The following TENM4 variants were observed in gnomAD, a reference collection of about 807,000 sequenced individuals.
TENM4 encodes teneurin transmembrane protein 4.
A neutral mutation model predicts 243.3 loss-of-function variants in TENM4; 82 were observed. That is an observed-to-expected ratio of 0.34 (90% CI 0.28 to 0.40). The LOEUF is 0.40. Ranked by LOEUF, TENM4 falls within the 10% of genes least tolerant of loss-of-function variation. The pLI is 1.00. For missense variants in TENM4, 3,138 were observed against 3,673.3 expected (o/e 0.85, Z 3.77); for synonymous variants, 1,412 against 1,456.3 (o/e 0.97, Z 0.69).
intron 8 of TENM4, among the ~76,000 whole-genome samples, chr11:78,890,740 G>A (rs550046935): frequency 3.3e-5 from 5 of 152,328 alleles, no homozygotes; most frequent in African/African-American, 1.2e-4. Flanking sequence ...GCGGGGTATG[G>A]TCAAAGCACA....
intron 4 of TENM4, among the ~76,000 whole-genome samples, chr11:79,138,415 ATAT>A (rs1862161618): frequency 8.6e-6 from 1 of 115,766 alleles, no homozygotes; most frequent in Admixed American, 1.1e-4. Flanking sequence ...AATAAAATAT[ATAT>A]TATATTATAT....
intron 6 of TENM4, among the ~76,000 whole-genome samples, chr11:78,912,987 C>A (rs142275879): frequency 6.6e-6 from 1 of 152,326 alleles, no homozygotes; most frequent in East Asian, 1.9e-4. Flanking sequence ...CTATCTGAGC[C>A]CGTTTCCCCA....
At chr11:78,806,349 A>G (rs1001517036) in intron 14 of TENM4, among the ~76,000 whole-genome samples, 2 of 152,174 alleles carry the variant, frequency 1.3e-5, no homozygotes, top group Non-Finnish European at 2.9e-5. Flanking sequence ...TCCTGAGGGC[A>G]AACACTTCAA....
intron 12 of TENM4, among the ~76,000 whole-genome samples, chr11:78,827,007 C>T (rs953375275): frequency 3.3e-5 from 5 of 152,120 alleles, no homozygotes; most frequent in African/African-American, 9.7e-5. Context: ...TATTTGGGTA[C>T]TGCTTTTATG....
chr11:79,180,384 T>C (rs1317477305), intron 3 of TENM4, among the ~76,000 whole-genome samples: 1 of 151,622 alleles, frequency 6.6e-6, no homozygotes, highest in Non-Finnish European at 1.5e-5. Flanking sequence ...GATCTATAGA[T>C]TCCAAAGGTT....
At chr11:78,835,294 T>G (rs1858077989) in intron 12 of TENM4, among the ~76,000 whole-genome samples, 1 of 151,990 alleles carries the variant, frequency 6.6e-6, no homozygotes, top group Admixed American at 6.6e-5. Context: ...GATCACAAGG[T>G]CAAGAGATCG....
chr11:79,011,705 C>T (rs1395448571), intron 6 of TENM4, among the ~76,000 whole-genome samples: 2 of 152,182 alleles, frequency 1.3e-5, no homozygotes, highest in Non-Finnish European at 2.9e-5. Flanking sequence ...CCATCTTTTC[C>T]CCACTGCCCC....
intron 6 of TENM4, among the ~76,000 whole-genome samples, chr11:79,054,404 A>G (rs954632439): frequency 9.9e-5 from 15 of 152,188 alleles, no homozygotes; most frequent in African/African-American, 3.4e-4. Context: ...GTTTTTGACC[A>G]AGACTTTTAC....
chr11:79,280,507 A>G (rs1396512860), intron 2 of TENM4, among the ~76,000 whole-genome samples: 1 of 152,214 alleles, frequency 6.6e-6, no homozygotes, highest in Non-Finnish European at 1.5e-5. Context: ...TGGATGCCAC[A>G]CATGGGAACC....
chr11:78,903,306 C>T lies in TENM4; in HGVS notation c.711G>A (p.Glu237=), dbSNP rs377037323. The part of the protein sequence containing the change: ...GGAQEPAHAQ[E]NWLLNSNIPL... ...GGATGTTGCTGTTGAGCAGCCAGTT[C>T]TCCTGGGCGTGGGCAGGCTCCTGGG... The change falls in exon 7 of 34, where the codon GAG becomes GAA. Residue 237 remains glutamate, a synonymous_variant. Transcript: ENST00000278550. The T allele has an allele frequency of 6.7e-7, 1 of 1,487,110 alleles. No individual in the cohort carries two copies. Among genetic ancestry groups the T allele is most frequent in the Non-Finnish European group, 8.9e-7 (1 of 1,121,272 alleles). 92.1% of individuals were successfully genotyped at this position (1,487,110 alleles called of 1,614,324 possible).
intron 4 of TENM4, among the ~76,000 whole-genome samples, chr11:79,108,291 A>G (rs1160008688): frequency 2.6e-5 from 4 of 152,178 alleles, no homozygotes; most frequent in African/African-American, 9.7e-5. Flanking sequence ...GCCTCATCCA[A>G]TGAGTTGAAA....
At chr11:79,081,133 A>G (rs892204357) in intron 4 of TENM4, among the ~76,000 whole-genome samples, 7 of 152,248 alleles carry the variant, frequency 4.6e-5, no homozygotes, top group Non-Finnish European at 1.0e-4. Flanking sequence ...CCTCAGCCTG[A>G]AGGAAGTTCT....
At chr11:79,053,302 A>T (rs1859849764) in intron 6 of TENM4, among the ~76,000 whole-genome samples, 1 of 152,188 alleles carries the variant, frequency 6.6e-6, no homozygotes, top group Admixed American at 6.5e-5. Context: ...ACTGCTAGTA[A>T]TTCAAAGCTA....
intron 14 of TENM4, among the ~76,000 whole-genome samples, chr11:78,810,845 C>T (rs1857483613): frequency 6.6e-6 from 1 of 152,182 alleles, no homozygotes; most frequent in South Asian, 2.1e-4. Flanking sequence ...CTCCTTGGAG[C>T]CTCTTCCACC....
intron 12 of TENM4, among the ~76,000 whole-genome samples, chr11:78,829,286 G>C (rs1038993316): frequency 1.3e-5 from 2 of 152,162 alleles, no homozygotes; most frequent in African/African-American, 4.8e-5. Flanking sequence ...TGAACTCCCT[G>C]GTCCATGGCA....
chr11:79,425,618 G>A (rs918964885), intron 1 of TENM4, among the ~76,000 whole-genome samples: 5 of 152,212 alleles, frequency 3.3e-5, no homozygotes, highest in African/African-American at 1.2e-4. Flanking sequence ...TAACAAGACT[G>A]TTGGCAGTGT....
rs117117086 is a variant in TENM4, at chr11:79,155,729, G to A, written c.-162-6923C>T. Among the ~76,000 whole-genome samples, 659 of 109,768 alleles carry A rather than the reference G, an allele frequency of 6.0e-3. 8 individuals are homozygous for A. Among genetic ancestry groups the A allele is most frequent in the Non-Finnish European group, 8.5e-3 (480 of 56,684 alleles). The allele number at this position is 109,768 out of a possible 152,430, so 72.0% of individuals were successfully genotyped here. A position where few individuals can be genotyped will look rare whatever the true frequency, so the allele number is the denominator to read the frequency against. On this transcript the variant is annotated intron_variant, in intron 3 of 33. Transcript: ENST00000278550. ...CCTCCTTTCCTCCCTCCCTCCCTCCGTCCCTTCCTTCTCTTCCTTCTCTTC... is the reference window on the plus strand; with the variant it reads ...CCTCCTTTCCTCCCTCCCTCCCTCCATCCCTTCCTTCTCTTCCTTCTCTTC...
At chr11:79,229,136 A>G (rs1444734489) in intron 2 of TENM4, among the ~76,000 whole-genome samples, 7 of 152,202 alleles carry the variant, frequency 4.6e-5, no homozygotes, top group Non-Finnish European at 7.3e-5. Context: ...GTTGTGAACT[A>G]TTGGGATGAA....
intron 6 of TENM4, among the ~76,000 whole-genome samples, chr11:79,000,462 A>G (rs1002394988): frequency 1.3e-5 from 2 of 152,154 alleles, no homozygotes; most frequent in Admixed American, 6.5e-5. Flanking sequence ...GTATATATAT[A>G]TATGTGTGAC....
Sources: allele counts gnomAD v4.1 joint callset (sites outside exome capture counted in the v4.1 genomes callset), GRCh38; gene constraint gnomAD v4.1.1; transcripts MANE v1.5; gene names NCBI Gene and HGNC (gene_info 2026-07-23, HGNC 2026-07-21).